CPQ: variants seen among roughly 807,000 people sequenced by gnomAD.
CPQ encodes the protein carboxypeptidase Q.
A neutral mutation model predicts 45.7 loss-of-function variants in CPQ; 37 were observed. The observed-to-expected ratio is 0.81, with a 90% CI of 0.62 to 1.07. The LOEUF (loss-of-function observed/expected upper bound fraction) is 1.07. Ranked by LOEUF, CPQ falls within the 50% of genes least tolerant of loss-of-function variation. CPQ has a pLI of 0.00. For missense variants in CPQ, 537 were observed against 572.9 expected, an observed-to-expected ratio of 0.94 and a Z score of 0.64; for synonymous variants, 186 against 205.8, an observed-to-expected ratio of 0.90 and a Z score of 0.82.
At chr8:96,784,692 T>G (rs1055016464) in intron 1 of CPQ, among the ~76,000 whole-genome samples, 172 bp from the exon 2 acceptor site, 1 of 152,150 alleles carries the variant, frequency 6.6e-6, no homozygotes, top group African/African-American at 2.4e-5. Flanking sequence ...AGGTCAATCG[T>G]TGCCTCTTTA....
At chr8:97,004,231 C>T (rs532328290) in intron 5 of CPQ, among the ~76,000 whole-genome samples, 29 of 150,034 alleles carry the variant, frequency 1.9e-4, no homozygotes, top group Non-Finnish European at 4.0e-4. Context: ...ATCCCCATGA[C>T]TGCAATAAAT....
chr8:96,899,597 A>AAG (rs747878184), intron 4 of CPQ, among the ~76,000 whole-genome samples: 9 of 151,960 alleles, frequency 5.9e-5, no homozygotes, highest in African/African-American at 2.2e-4. Flanking sequence ...GAGTGGGAGC[A>AAG]AGAGAGAGAG....
At chr8:96,743,489 C>G (rs1317130323) in intron 1 of CPQ, among the ~76,000 whole-genome samples, 2 of 152,162 alleles carry the variant, frequency 1.3e-5, no homozygotes, top group African/African-American at 4.8e-5. Context: ...CAAAGTCATT[C>G]TCCATCCAGC....
At chr8:96,769,062 A>T (rs1199134728) in intron 1 of CPQ, among the ~76,000 whole-genome samples, 1 of 152,180 alleles carries the variant, frequency 6.6e-6, no homozygotes, top group Non-Finnish European at 1.5e-5. Flanking sequence ...GAATCTCTGA[A>T]AGACTTCTGC....
chr8:97,055,290 G>A lies in CPQ; in HGVS notation c.1054-10719G>A, dbSNP rs78211835. Reference sequence around the variant, plus strand: ...CTCACTCCCCTCTCTCCTTTCTCCAGGGCTATTGTTGCCACCAGTTCCTAA... The same window carrying A: ...CTCACTCCCCTCTCTCCTTTCTCCAAGGCTATTGTTGCCACCAGTTCCTAA... On this transcript the variant is annotated intron_variant, in intron 6 of 7. Coordinates refer to ENST00000220763, the MANE Select transcript of CPQ (RefSeq NM_016134.4). 2.7e-3 allele frequency among the ~76,000 whole-genome samples: 407 copies of A among 152,170 alleles called. 10 individuals carry two copies. In the East Asian group the frequency reaches 0.068, roughly 25 times the overall value.
chr8:97,108,328 C>G (rs973139251), intron 7 of CPQ, among the ~76,000 whole-genome samples: 1 of 152,174 alleles, frequency 6.6e-6, no homozygotes, highest in Non-Finnish European at 1.5e-5. Context: ...ATATAACAGG[C>G]AGCTCCTACT....
intron 1 of CPQ, among the ~76,000 whole-genome samples, chr8:96,740,272 T>C (rs1392249601): frequency 1.3e-5 from 2 of 152,204 alleles, no homozygotes; most frequent in African/African-American, 2.4e-5. Context: ...TTGTCTGTTG[T>C]TGGTGTATAA....
chr8:96,817,650 G>C (rs1365318042), intron 2 of CPQ, among the ~76,000 whole-genome samples: 2 of 151,136 alleles, frequency 1.3e-5, no homozygotes, highest in African/African-American at 4.9e-5. Context: ...GTCTTGCTCT[G>C]TCACACAGGC....
chr8:97,123,498 C>G (rs1811793396), intron 7 of CPQ, among the ~76,000 whole-genome samples: 1 of 151,098 alleles, frequency 6.6e-6, no homozygotes, highest in African/African-American at 2.4e-5. Context: ...ATTGTAAATG[C>G]TAGAGCAACC....
intron 2 of CPQ, among the ~76,000 whole-genome samples, chr8:96,797,404 CT>C (rs1372118782): frequency 6.6e-6 from 1 of 152,120 alleles, no homozygotes; most frequent in African/African-American, 2.4e-5. Flanking sequence ...ATGATATGGA[CT>C]TTTTTGCATA....
At chr8:96,692,371 C>T (rs556929961) in intron 1 of CPQ, among the ~76,000 whole-genome samples, 66 of 152,324 alleles carry the variant, frequency 4.3e-4, no homozygotes, top group African/African-American at 1.4e-3. Context: ...TACAGCAGGC[C>T]TTGGGTGAGA....
intron 6 of CPQ, among the ~76,000 whole-genome samples, chr8:97,038,635 G>T (rs74528658): frequency 0.021 from 3,141 of 151,894 alleles, 103 homozygotes; most frequent in African/African-American, 0.067. Context: ...TATTTTATTT[G>T]GCCTGAAGTT....
chr8:96,888,638 G>T (rs951311410), intron 4 of CPQ, among the ~76,000 whole-genome samples: 1 of 152,158 alleles, frequency 6.6e-6, no homozygotes, highest in Non-Finnish European at 1.5e-5. Flanking sequence ...AAGTTAAACA[G>T]GCTCCCTTTT....
At chr8:97,121,983 A>G (rs1008038887) in intron 7 of CPQ, among the ~76,000 whole-genome samples, 3 of 152,164 alleles carry the variant, frequency 2.0e-5, no homozygotes, top group African/African-American at 7.2e-5. Flanking sequence ...GAAGATAAAA[A>G]GGCTCTTGTA....
At chr8:96,917,819 TTTTC>T (rs1183592148) in intron 4 of CPQ, among the ~76,000 whole-genome samples, 10 of 152,158 alleles carry the variant, frequency 6.6e-5, no homozygotes, top group South Asian at 2.1e-4. Flanking sequence ...GTCCTCTTGC[TTTTC>T]TGTAAGATCC....
At chr8:97,114,486 A>C (rs562688747) in intron 7 of CPQ, among the ~76,000 whole-genome samples, 3 of 152,350 alleles carry the variant, frequency 2.0e-5, no homozygotes, top group African/African-American at 7.2e-5. Context: ...CCTGGCACAC[A>C]GTAGGTGTTC....
intron 5 of CPQ, among the ~76,000 whole-genome samples, chr8:97,026,271 C>T (rs1809797698): frequency 6.6e-6 from 1 of 152,126 alleles, no homozygotes; most frequent in African/African-American, 2.4e-5. Context: ...TATACATTTG[C>T]TTTGTTTTAT....
chr8:96,926,653 C>A (rs1285556913), intron 4 of CPQ, among the ~76,000 whole-genome samples: 3 of 148,926 alleles, frequency 2.0e-5, no homozygotes, highest in Admixed American at 1.3e-4. Flanking sequence ...TCTTCTCCTT[C>A]TCCTTCTCCC....
intron 7 of CPQ, among the ~76,000 whole-genome samples, chr8:97,095,703 T>C (rs912852546): frequency 6.6e-6 from 1 of 152,226 alleles, no homozygotes; most frequent in African/African-American, 2.4e-5. Flanking sequence ...CCTTATTTCA[T>C]ATGCTATTAT....
Sources: gnomAD v4.1 joint callset for allele counts (sites outside exome capture counted in the v4.1 genomes callset) on GRCh38, gnomAD v4.1.1 for gene constraint, MANE v1.5 for transcripts, NCBI Gene and HGNC (gene_info 2026-07-23, HGNC 2026-07-21) for gene names.